MDM4: variants seen among roughly 807,000 people sequenced by gnomAD.
The protein encoded by MDM4 is protein Mdm4.
A neutral mutation model predicts 60.2 loss-of-function variants in MDM4; 2 were observed. The ratio of observed to expected loss-of-function variants is 0.03; its 90% CI spans 0.01 to 0.10. The LOEUF (loss-of-function observed/expected upper bound fraction) is 0.10, where lower values mean the gene tolerates loss of function less well. Among genes scored for constraint, MDM4 ranks in the 10% least tolerant of loss-of-function variants. The pLI is 1.00. For missense variants in MDM4, 447 were observed against 577.5 expected, an observed-to-expected ratio of 0.77 and a Z score of 2.32; for synonymous variants, 202 against 198.1, an observed-to-expected ratio of 1.02 and a Z score of -0.17.
intron 6 of MDM4, 153 bp from the exon 7 acceptor site, chr1:204,538,056 T>TG (rs962711831): frequency 2.6e-6 from 2 of 769,118 alleles, no homozygotes; most frequent in African/African-American, 1.7e-5. Flanking sequence ...GGAGAGGTGT[T>TG]GCCTTTATTT....
rs572542423 is a variant in MDM4, at chr1:204,546,392, A to G, written c.823-405A>G. Reference sequence around the variant, plus strand: ...AATTTTTTTTATTTTTTGCAGAGACAGGGTCTTGCTCTGTTGCCTAGGCCA... The same window carrying G: ...AATTTTTTTTATTTTTTGCAGAGACGGGGTCTTGCTCTGTTGCCTAGGCCA... On this transcript the variant is annotated intron_variant, in intron 9 of 10. Transcript: ENST00000367182. Among the ~76,000 whole-genome samples, 16 of 152,176 alleles carry G rather than the reference A, an allele frequency of 1.1e-4. No individual in the cohort carries two copies. In the East Asian group the frequency reaches 3.1e-3, roughly 29 times the overall value.
chr1:204,556,742 A>T lies in MDM4; in HGVS notation c.*7060A>T, dbSNP rs1464489189. 4.7e-6 allele frequency: 1 copy of T among 213,306 alleles called. No individual in the cohort carries two copies. The highest frequency in any genetic ancestry group is 2.3e-5 in the African/African-American group (1 of 44,174). 13.2% of individuals were successfully genotyped at this position (213,306 alleles called of 1,614,324 possible). A position where few individuals can be genotyped will look rare whatever the true frequency, so the allele number is the denominator to read the frequency against. On this transcript the variant is annotated 3_prime_UTR_variant, in exon 11 of 11. Coordinates refer to ENST00000367182, the MANE Select transcript of MDM4 (RefSeq NM_002393.5). ...CTTACAGAATTATTTTTTTCTCTGT[A>T]GTTTGCCTCATTTTTTCACTTTCTT...
At position 204,525,564 on chromosome 1, in the gene MDM4, G is replaced by C. The variant is rs780902661; in HGVS notation, c.46G>C (p.Ala16Pro). 1 of 1,610,630 alleles carries C rather than the reference G, an allele frequency of 6.2e-7. No individual in the cohort carries two copies. Among genetic ancestry groups the C allele is most frequent in the East Asian group, 2.2e-5 (1 of 44,828 alleles). ...TGCTCAGTGTTCAACATCTGACAGT[G>C]CTTGCAGGATCTCTCCTGGACAAAT... The part of the protein sequence containing the change: ...TSAQCSTSDS[A>P]CRISPGQINQ... The change falls in exon 2 of 11, where the codon GCT becomes CCT. Residue 16 changes from alanine to proline, a missense_variant. Ala to Pro is a conservative substitution (Grantham distance 27, BLOSUM62 -1). Coordinates refer to ENST00000367182, the MANE Select transcript of MDM4 (RefSeq NM_002393.5).
chr1:204,553,460 A>G lies in MDM4; in HGVS notation c.*3778A>G, dbSNP rs78215536. The G allele has an allele frequency of 9.6e-3, 2,170 of 225,692 alleles. 13 individuals carry two copies. Among genetic ancestry groups the G allele is most frequent in the African/African-American group, 0.014 (610 of 45,048 alleles). 14.0% of individuals were successfully genotyped at this position (225,692 alleles called of 1,614,324 possible). On this transcript the variant is annotated 3_prime_UTR_variant, in exon 11 of 11. Transcript: ENST00000367182. ...TTCACTTTCAAACCTCTTCATTTGGATGTTAAATTATATGGTCACCTAGTT... is the reference window on the plus strand; with the variant it reads ...TTCACTTTCAAACCTCTTCATTTGGGTGTTAAATTATATGGTCACCTAGTT...
At chr1:204,529,282 A>G in intron 3 of MDM4, 1 of 743,902 alleles carries the variant, frequency 1.3e-6, no homozygotes, top group Non-Finnish European at 2.5e-6. Flanking sequence ...AGCCTGCTTC[A>G]CCTCCTTCAT....
intron 7 of MDM4, among the ~76,000 whole-genome samples, chr1:204,540,391 C>T (rs950080551): frequency 6.6e-6 from 1 of 152,138 alleles, no homozygotes; most frequent in Non-Finnish European, 1.5e-5. Flanking sequence ...GGATGGTAGT[C>T]ACCAGATCTT....
intron 1 of MDM4, among the ~76,000 whole-genome samples, chr1:204,522,147 C>T (rs1056056524): frequency 1.3e-5 from 2 of 151,842 alleles, no homozygotes; most frequent in African/African-American, 4.8e-5. Context: ...GCCTGGGCAA[C>T]ATAGCAAGAC....
intron 5 of MDM4, chr1:204,536,923 C>A: frequency 2.5e-6 from 1 of 406,978 alleles, no homozygotes. Context: ...CTTAGAATGT[C>A]GCTTTAGATG....
chr1:204,532,421 C>G, intron 5 of MDM4, 175 bp downstream of exon 5: 1 of 584,360 alleles, frequency 1.7e-6, no homozygotes, highest in Non-Finnish European at 3.0e-6. Context: ...ACTGAAAAAT[C>G]AAACATAGAG....
chr1:204,529,253 A>C (rs1280154861), intron 3 of MDM4: 4 of 730,940 alleles, frequency 5.5e-6, no homozygotes, highest in Non-Finnish European at 7.5e-6. Context: ...TTGAACAAGG[A>C]CCAGTTGCAG....
rs1473000220 is a variant in MDM4, at chr1:204,556,368, A to G, written c.*6686A>G. 1 of 227,106 alleles carries G rather than the reference A, an allele frequency of 4.4e-6. No individual in the cohort carries two copies. Among genetic ancestry groups the G allele is most frequent in the Non-Finnish European group, 8.7e-6 (1 of 114,326 alleles). The allele number at this position is 227,106 out of a possible 1,614,324, so 14.1% of individuals were successfully genotyped here. ...GCTTCCTTTCTGTGTGTGATGGGGGATAGGGAGTTAGCTCCCCTGTTGTCT... is the reference window on the plus strand; with the variant it reads ...GCTTCCTTTCTGTGTGTGATGGGGGGTAGGGAGTTAGCTCCCCTGTTGTCT... On this transcript the variant is annotated 3_prime_UTR_variant, in exon 11 of 11. Coordinates refer to ENST00000367182, the MANE Select transcript of MDM4 (RefSeq NM_002393.5).
chr1:204,525,276 T>C, intron 1 of MDM4: 1 of 963,180 alleles, frequency 1.0e-6, no homozygotes, highest in Non-Finnish European at 1.2e-6. Context: ...TGAGAGAAGC[T>C]TGGACGATTC....
chr1:204,529,661 C>G, intron 3 of MDM4: 3 of 695,834 alleles, frequency 4.3e-6, no homozygotes, highest in Non-Finnish European at 7.1e-6. Context: ...CCCTGCATCT[C>G]CAGGGCAGCC....
intron 7 of MDM4, among the ~76,000 whole-genome samples, chr1:204,540,620 G>A (rs1484044170): frequency 3.3e-5 from 5 of 151,800 alleles, no homozygotes; most frequent in Non-Finnish European, 7.4e-5. Flanking sequence ...AAAATTAGCC[G>A]GACATGGTGG....
Position 204,557,893 on chromosome 1 carries a change from T to G in MDM4, c.*8211T>G. ...GACTGAATTGAGTAATAATAAAACT[T>G]CAGTCTTTCGCTAATAATAATAATA... is the stretch of plus-strand genomic sequence containing the variant. On this transcript the variant is annotated 3_prime_UTR_variant, in exon 11 of 11. Coordinates refer to ENST00000367182, the MANE Select transcript of MDM4 (RefSeq NM_002393.5). 1 of 178,934 alleles carries G rather than the reference T, an allele frequency of 5.6e-6. No individual in the cohort carries two copies. The highest frequency in any genetic ancestry group is 1.2e-5 in the Non-Finnish European group (1 of 86,620). 11.1% of individuals were successfully genotyped at this position (178,934 alleles called of 1,614,324 possible).
Position 204,550,277 on chromosome 1 carries a change from G to C in MDM4, c.*595G>C, listed in dbSNP as rs1168967831. 4.3e-6 allele frequency: 1 copy of C among 230,648 alleles called. No homozygotes were observed. The highest frequency in any genetic ancestry group is 8.6e-6 in the Non-Finnish European group (1 of 116,628). The allele number at this position is 230,648 out of a possible 1,614,324, so 14.3% of individuals were successfully genotyped here. A position where few individuals can be genotyped will look rare whatever the true frequency, so the allele number is the denominator to read the frequency against. On this transcript the variant is annotated 3_prime_UTR_variant, in exon 11 of 11. Coordinates refer to ENST00000367182, the MANE Select transcript of MDM4 (RefSeq NM_002393.5). ...CAGCCTTGGTTTCCTGGGCATAAGT[G>C]GTCTTCCCACTTCAGCCTCCTGAGT...
intron 7 of MDM4, among the ~76,000 whole-genome samples, chr1:204,540,573 G>T (rs1661966764): frequency 6.6e-6 from 1 of 151,910 alleles, no homozygotes; most frequent in African/African-American, 2.4e-5. Flanking sequence ...GACCAGCCTG[G>T]TCAACATGGT....
At position 204,529,603 on chromosome 1, in the gene MDM4, T is replaced by TGGG. The variant is rs138259386; in HGVS notation, c.154-1075_154-1073dup. The stretch of plus-strand genomic sequence containing the variant: ...ACGCTGCCATACTGCCCTCCACTAC[T>TGGG]GGGGGGGGTCCAAGGTAGTAGCTAC... On this transcript the variant is annotated intron_variant, in intron 3 of 10. Coordinates refer to ENST00000367182, the MANE Select transcript of MDM4 (RefSeq NM_002393.5). 30 of 1,262,604 alleles carry TGGG rather than the reference T, an allele frequency of 2.4e-5. No individual in the cohort carries two copies. In the East Asian group the frequency reaches 4.8e-4, roughly 20 times the overall value. The allele number at this position is 1,262,604 out of a possible 1,614,324, so 78.2% of individuals were successfully genotyped here. A position where few individuals can be genotyped will look rare whatever the true frequency, so the allele number is the denominator to read the frequency against.
chr1:204,517,665 G>A lies in MDM4; in HGVS notation c.-36+1156G>A, dbSNP rs533269955. On this transcript the variant is annotated intron_variant, in intron 1 of 10. Coordinates refer to ENST00000367182, the MANE Select transcript of MDM4 (RefSeq NM_002393.5). ...GATCCGCCCACCTCGGCCTCCGAAA[G>A]TGTTGGGATTACAGGCGTGAGCCAC... Among the ~76,000 whole-genome samples, 552 of 152,246 alleles carry A rather than the reference G, an allele frequency of 3.6e-3. 1 individual carries two copies. Among genetic ancestry groups the A allele is most frequent in the Middle Eastern group, 0.017 (5 of 294 alleles).
Sources: allele counts gnomAD v4.1 joint callset (sites outside exome capture counted in the v4.1 genomes callset), GRCh38; gene constraint gnomAD v4.1.1; transcripts MANE v1.5; gene names NCBI Gene and HGNC (gene_info 2026-07-23, HGNC 2026-07-21).